DTNB: variants seen among roughly 807,000 people sequenced by gnomAD.
DTNB encodes the protein dystrobrevin beta.
Under a neutral mutation model 90.7 loss-of-function variants are expected in DTNB, and 63 were observed. The observed-to-expected ratio is 0.69, with a 90% CI of 0.57 to 0.86. DTNB has a LOEUF of 0.86. Ranked by LOEUF, DTNB falls within the 40% of genes least tolerant of loss-of-function variation. The probability of loss-of-function intolerance (pLI) is 0.00; values close to 1 mark genes in which losing one functional copy is unlikely to be tolerated. For missense variants in DTNB, 744 were observed against 807.1 expected, an observed-to-expected ratio of 0.92 and a Z score of 0.95; for synonymous variants, 277 against 286.7, an observed-to-expected ratio of 0.97 and a Z score of 0.34.
intron 4 of DTNB, among the ~76,000 whole-genome samples, chr2:25,609,657 T>TACACACACACACAC (rs4007298): frequency 2.4e-5 from 3 of 127,076 alleles, no homozygotes; most frequent in East Asian, 2.4e-4. Context: ...TAATAGAATG[T>TACACACACACACAC]ACACACACAC....
chr2:25,470,311 T>G (rs1003004308), intron 10 of DTNB, among the ~76,000 whole-genome samples: 1 of 151,866 alleles, frequency 6.6e-6, no homozygotes, highest in Admixed American at 6.6e-5. Context: ...GGTAAGTGGA[T>G]GCAGGCTAGG....
At chr2:25,379,562 A>G (rs969642699) in intron 19 of DTNB, 5 of 417,230 alleles carry the variant, frequency 1.2e-5, no homozygotes, top group African/African-American at 1.0e-4. Flanking sequence ...AAGGAAAGTC[A>G]TTAAAAAATG....
At chr2:25,384,363 G>A (rs887587378) in intron 18 of DTNB, among the ~76,000 whole-genome samples, 2 of 152,218 alleles carry the variant, frequency 1.3e-5, no homozygotes, top group African/African-American at 4.8e-5. Context: ...ACAGTGCAAA[G>A]TGGCTATGTG....
chr2:25,623,175 A>T (rs926274452), intron 4 of DTNB, among the ~76,000 whole-genome samples: 2 of 152,146 alleles, frequency 1.3e-5, no homozygotes, highest in Non-Finnish European at 2.9e-5. Flanking sequence ...ATTCTGATCA[A>T]CTCTTCCTCT....
At chr2:25,415,206 T>C (rs2047588430) in intron 16 of DTNB, among the ~76,000 whole-genome samples, 1 of 151,880 alleles carries the variant, frequency 6.6e-6, no homozygotes, top group Non-Finnish European at 1.5e-5. Context: ...AACCAATATA[T>C]ATTTGGTCTC....
chr2:25,383,722 G>A (rs367945658), intron 19 of DTNB, 114 bp downstream of exon 19: 30 of 1,600,920 alleles, frequency 1.9e-5, no homozygotes, highest in Middle Eastern at 1.8e-4. Context: ...CCTCGGGTCC[G>A]AAAGCTCTGG....
At chr2:25,569,716 C>T (rs1048766981) in intron 8 of DTNB, among the ~76,000 whole-genome samples, 1 of 152,186 alleles carries the variant, frequency 6.6e-6, no homozygotes, top group Non-Finnish European at 1.5e-5. Flanking sequence ...AAACAGACTG[C>T]CATTTGCCTA....
intron 12 of DTNB, among the ~76,000 whole-genome samples, chr2:25,451,293 A>G (rs897915094): frequency 1.3e-5 from 2 of 152,146 alleles, no homozygotes; most frequent in African/African-American, 2.4e-5. Flanking sequence ...GTGAAAGTGG[A>G]TATCTCTGAA....
At position 25,412,109 on chromosome 2, in the gene DTNB, C is replaced by T. The variant is rs1419152829; in HGVS notation, c.1575+7406G>A. Among the ~76,000 whole-genome samples the T allele has an allele frequency of 2.0e-5, 3 of 152,152 alleles. No individual in the cohort carries two copies. In the East Asian group the frequency reaches 5.8e-4, roughly 29 times the overall value. On this transcript the variant is annotated intron_variant, in intron 16 of 20. Transcript: ENST00000406818. ...AGGTTTGTTTTTCTGAAAGTACTTTCTCTTAAACTTACAAAGTTAGTATTC... is the reference window on the plus strand; with the variant it reads ...AGGTTTGTTTTTCTGAAAGTACTTTTTCTTAAACTTACAAAGTTAGTATTC...
At chr2:25,546,063 A>T (rs2082339701) in intron 8 of DTNB, among the ~76,000 whole-genome samples, 1 of 152,254 alleles carries the variant, frequency 6.6e-6, no homozygotes, top group African/African-American at 2.4e-5. Flanking sequence ...CCTTCCCAGC[A>T]AACCCTATGT....
chr2:25,444,518 G>C (rs976347833), intron 12 of DTNB, among the ~76,000 whole-genome samples: 2 of 135,814 alleles, frequency 1.5e-5, no homozygotes, highest in African/African-American at 5.7e-5. Context: ...CTGGGCAACA[G>C]AGTGAGACTC....
At chr2:25,669,128 G>T (rs1159206816) in intron 1 of DTNB, among the ~76,000 whole-genome samples, 1 of 152,124 alleles carries the variant, frequency 6.6e-6, no homozygotes, top group Non-Finnish European at 1.5e-5. Flanking sequence ...GGGAAGAATG[G>T]GGAGCTGGTG....
At chr2:25,672,708 C>G (rs531464245) in intron 1 of DTNB, 2 of 152,374 alleles carry the variant, frequency 1.3e-5, no homozygotes, top group East Asian at 3.9e-4. Flanking sequence ...CACAGCCACA[C>G]TGTCAGCACC....
chr2:25,481,188 A>G (rs2064861111), intron 10 of DTNB, among the ~76,000 whole-genome samples: 1 of 152,006 alleles, frequency 6.6e-6, no homozygotes, highest in African/African-American at 2.4e-5. Flanking sequence ...ACTTGAGATC[A>G]GGAGTTTGAG....
intron 11 of DTNB, among the ~76,000 whole-genome samples, chr2:25,452,328 C>T (rs1412698092): frequency 6.6e-6 from 1 of 152,208 alleles, no homozygotes; most frequent in Non-Finnish European, 1.5e-5. Flanking sequence ...TAGGCTGGCT[C>T]TGCATATGGG....
chr2:25,590,916 G>A (rs942830615), intron 6 of DTNB, among the ~76,000 whole-genome samples: 3 of 152,220 alleles, frequency 2.0e-5, no homozygotes, highest in Admixed American at 6.5e-5. Context: ...CCAGGTGTTC[G>A]TGCCAAGGGG....
chr2:25,540,377 G>C (rs1022103494), intron 8 of DTNB, among the ~76,000 whole-genome samples: 2 of 152,006 alleles, frequency 1.3e-5, no homozygotes, highest in African/African-American at 2.4e-5. Flanking sequence ...CTTATTCCTA[G>C]TTATTTTATA....
At chr2:25,621,024 C>A (rs1412786214) in intron 4 of DTNB, among the ~76,000 whole-genome samples, 1 of 152,046 alleles carries the variant, frequency 6.6e-6, no homozygotes, top group Non-Finnish European at 1.5e-5. Flanking sequence ...AAGACCTTGT[C>A]TCTTAAAAAA....
At position 25,569,638 on chromosome 2, in the gene DTNB, TG is replaced by T. The variant is rs532193471; in HGVS notation, c.876+7199del. ...CCTGCTGGAAATGCCAGCAGTTGGG[TG>T]GGGGTATATTTGATTCGGGGGCTAC... On this transcript the variant is annotated intron_variant, in intron 8 of 20. Coordinates refer to ENST00000406818, the MANE Select transcript of DTNB (RefSeq NM_021907.5). Among the ~76,000 whole-genome samples, 56 of 152,058 alleles carry T rather than the reference TG, an allele frequency of 3.7e-4. 1 individual carries two copies. The highest frequency in any genetic ancestry group is 9.2e-4 in the Admixed American group (14 of 15,272).
Sources: allele counts gnomAD v4.1 joint callset (sites outside exome capture counted in the v4.1 genomes callset), GRCh38; gene constraint gnomAD v4.1.1; transcripts MANE v1.5; gene names NCBI Gene and HGNC (gene_info 2026-07-23, HGNC 2026-07-21).